The following DOK6 variants were observed in gnomAD, a reference collection of about 807,000 sequenced individuals.
DOK6 encodes the protein docking protein 6.
Under a neutral mutation model 44.0 loss-of-function variants are expected in DOK6, and 22 were observed. That is an observed-to-expected ratio of 0.50 (90% confidence interval 0.36 to 0.71). DOK6 has a LOEUF of 0.71. Ranked by LOEUF, DOK6 falls within the 30% of genes least tolerant of loss-of-function variation. The probability of loss-of-function intolerance (pLI) is 0.00; values close to 1 mark genes in which losing one functional copy is unlikely to be tolerated. For missense variants in DOK6, 340 were observed against 416.4 expected, an observed-to-expected ratio of 0.82 and a Z score of 1.60; for synonymous variants, 166 against 145.5, an observed-to-expected ratio of 1.14 and a Z score of -1.01.
At chr18:69,752,544 T>C (rs998585122) in intron 6 of DOK6, among the ~76,000 whole-genome samples, 2 of 152,204 alleles carry the variant, frequency 1.3e-5, no homozygotes, top group Non-Finnish European at 2.9e-5. Context: ...TCCTTTGTAT[T>C]ATTCAGGGTC....
intron 3 of DOK6, among the ~76,000 whole-genome samples, chr18:69,670,578 T>G (rs919428856): frequency 2.0e-5 from 3 of 151,548 alleles, no homozygotes; most frequent in Non-Finnish European, 4.4e-5. Flanking sequence ...GGCATGATCT[T>G]GGCTCACTGC....
intron 1 of DOK6, among the ~76,000 whole-genome samples, chr18:69,430,520 C>T (rs975604654): frequency 6.6e-5 from 10 of 152,136 alleles, no homozygotes; most frequent in African/African-American, 1.2e-4. Context: ...AAATCTCCCC[C>T]GCTTCCTCAT....
At chr18:69,558,895 T>C (rs915862545) in intron 1 of DOK6, among the ~76,000 whole-genome samples, 1 of 152,118 alleles carries the variant, frequency 6.6e-6, no homozygotes, top group Non-Finnish European at 1.5e-5. Context: ...ACCATTGTTA[T>C]ATAGGATGCT....
intron 1 of DOK6, among the ~76,000 whole-genome samples, chr18:69,507,468 G>A: frequency 6.6e-6 from 1 of 152,220 alleles, no homozygotes; most frequent in Admixed American, 6.5e-5. Flanking sequence ...TTACAAAAAT[G>A]TATTATTTTG....
intron 1 of DOK6, among the ~76,000 whole-genome samples, chr18:69,482,153 T>C (rs1014784514): frequency 6.6e-6 from 1 of 152,138 alleles, no homozygotes; most frequent in African/African-American, 2.4e-5. Flanking sequence ...ATTGCAAAAA[T>C]TTTCTCCCAT....
chr18:69,536,699 TAGAG>T (rs1982131193), intron 1 of DOK6, among the ~76,000 whole-genome samples: 1 of 152,070 alleles, frequency 6.6e-6, no homozygotes, highest in Non-Finnish European at 1.5e-5. Context: ...CAATGAAAGA[TAGAG>T]ATACACCCTG....
intron 1 of DOK6, among the ~76,000 whole-genome samples, chr18:69,515,149 A>G (rs1981485937): frequency 6.6e-6 from 1 of 152,226 alleles, no homozygotes; most frequent in Non-Finnish European, 1.5e-5. Flanking sequence ...TTATATCAGA[A>G]TGATTTATCC....
intron 1 of DOK6, among the ~76,000 whole-genome samples, chr18:69,479,422 G>A (rs181525350): frequency 1.3e-5 from 2 of 152,170 alleles, no homozygotes; most frequent in East Asian, 3.9e-4. Flanking sequence ...AATATAAAAG[G>A]GATGTCGAGC....
intron 7 of DOK6, among the ~76,000 whole-genome samples, chr18:69,772,564 T>A (rs186083304): frequency 2.0e-5 from 3 of 152,130 alleles, no homozygotes; most frequent in Non-Finnish European, 4.4e-5. Context: ...ATCGCAACAT[T>A]ATAAAGCCAA....
At chr18:69,597,468 A>G (rs1343428956) in intron 2 of DOK6, among the ~76,000 whole-genome samples, 2 of 152,204 alleles carry the variant, frequency 1.3e-5, no homozygotes, top group East Asian at 1.9e-4. Context: ...GGCAAACAGC[A>G]CTGTACCTCA....
intron 1 of DOK6, among the ~76,000 whole-genome samples, chr18:69,509,480 T>C (rs1417939385): frequency 3.3e-5 from 5 of 151,258 alleles, no homozygotes; most frequent in Admixed American, 2.0e-4. Context: ...TACTAAAAAA[T>C]AGAAAAAATT....
At chr18:69,717,304 C>G (rs1260138739) in intron 5 of DOK6, among the ~76,000 whole-genome samples, 1 of 151,784 alleles carries the variant, frequency 6.6e-6, no homozygotes, top group Non-Finnish European at 1.5e-5. Context: ...TTCATTAAGC[C>G]TATTTATATT....
At position 69,673,690 on chromosome 18, in the gene DOK6, C is replaced by A. The variant is rs530099663; in HGVS notation, c.290-4044C>A. Among the ~76,000 whole-genome samples, 8 of 152,250 alleles carry A rather than the reference C, an allele frequency of 5.3e-5. No individual in the cohort carries two copies. In the South Asian group the frequency reaches 1.7e-3, roughly 32 times the overall value. ...TTTCAATTTTCCTTTTGGAAATTAC[C>A]AAATTTCTTCATTTAACTAATCCTC... On this transcript the variant is annotated intron_variant, in intron 3 of 7. Transcript: ENST00000382713.
chr18:69,624,026 G>C (rs1659584055), intron 3 of DOK6, among the ~76,000 whole-genome samples: 1 of 152,142 alleles, frequency 6.6e-6, no homozygotes, highest in South Asian at 2.1e-4. Context: ...CAGTATTATG[G>C]CTCTACACAA....
At chr18:69,704,038 C>T (rs1363108796) in intron 5 of DOK6, among the ~76,000 whole-genome samples, 2 of 152,148 alleles carry the variant, frequency 1.3e-5, no homozygotes, top group Non-Finnish European at 2.9e-5. Flanking sequence ...AGAACCCAAC[C>T]ATGCTGGCAC....
chr18:69,698,669 G>A, intron 5 of DOK6, 76 bp downstream of exon 5: 1 of 1,439,702 alleles, frequency 6.9e-7, no homozygotes, highest in East Asian at 2.4e-5. Flanking sequence ...CTGAAAGAGA[G>A]TGCTGTCCAT....
chr18:69,686,580 A>G (rs1483499310), intron 4 of DOK6, among the ~76,000 whole-genome samples: 1 of 152,184 alleles, frequency 6.6e-6, no homozygotes, highest in South Asian at 2.1e-4. Flanking sequence ...GGGGAGGAAG[A>G]AATGCCCTAA....
intron 7 of DOK6, among the ~76,000 whole-genome samples, chr18:69,840,436 A>C (rs976289880): frequency 6.6e-6 from 1 of 152,254 alleles, no homozygotes; most frequent in African/African-American, 2.4e-5. Flanking sequence ...AAACGACTGG[A>C]AAGTTCATCA....
chr18:69,640,999 A>C (rs7226842), intron 3 of DOK6, among the ~76,000 whole-genome samples: 1 of 151,980 alleles, frequency 6.6e-6, no homozygotes, highest in Non-Finnish European at 1.5e-5. Context: ...GGATCACGAG[A>C]TCAGGAGATC....
Sources: gnomAD v4.1 joint callset for allele counts (sites outside exome capture counted in the v4.1 genomes callset) on GRCh38, gnomAD v4.1.1 for gene constraint, MANE v1.5 for transcripts, NCBI Gene and HGNC (gene_info 2026-07-23, HGNC 2026-07-21) for gene names.